The following SCAMP4 variants were observed in gnomAD, a reference collection of about 807,000 sequenced individuals.
SCAMP4 encodes the protein secretory carrier-associated membrane protein 4.
SCAMP4 carries 19 observed loss-of-function variants against 32.1 expected under a neutral mutation model. The ratio of observed to expected loss-of-function variants is 0.59; its 90% CI spans 0.41 to 0.87. The LOEUF (loss-of-function observed/expected upper bound fraction) is 0.87. Ranked by LOEUF, SCAMP4 falls within the 40% of genes least tolerant of loss-of-function variation. SCAMP4 has a pLI of 0.00. For missense variants in SCAMP4, 302 were observed against 309.0 expected (o/e 0.98, Z 0.17); for synonymous variants, 152 against 132.7 (o/e 1.15, Z -1.00).
At position 1,923,174 on chromosome 19, in the gene SCAMP4, T is replaced by C; in HGVS notation, c.500T>C (p.Ile167Thr). 2 of 1,550,166 alleles carry C rather than the reference T, an allele frequency of 1.3e-6. No homozygotes were observed. The highest frequency in any genetic ancestry group is 1.7e-6 in the Non-Finnish European group (2 of 1,146,114). The change falls in exon 6 of 7, where the codon ATC becomes ACC. Residue 167 changes from isoleucine (I) to threonine (T), a missense_variant. Ile to Thr is a moderately conservative substitution (Grantham distance 89, BLOSUM62 -1). Transcript: ENST00000316097. Reference protein sequence around the residue: ...MFSVSAAMMAIAIMKVHRIYR... With the variant: ...MFSVSAAMMATAIMKVHRIYR... ...TCCGTGTCGGCTGCCATGATGGCCA[T>C]CGCGATCATGAAGGTGAGTCCTCGG...
At position 1,924,230 on chromosome 19, in the gene SCAMP4, C is replaced by A; in HGVS notation, c.636C>A (p.Ser212Arg). 1.9e-6 allele frequency: 3 copies of A among 1,606,512 alleles called. No homozygotes were observed. The highest frequency in any genetic ancestry group is 2.5e-6 in the Non-Finnish European group (3 of 1,176,680). ...AGTACAACAACTTCTCAGGCAACAG[C>A]CTGCCCGAGTACCCCACTGTGCCCA... Reference protein sequence around the residue: ...EAQYNNFSGNSLPEYPTVPSY... With the variant: ...EAQYNNFSGNRLPEYPTVPSY... Residue 212 changes from serine to arginine, a missense_variant, in exon 7 of 7, where the codon AGC (serine) becomes AGA (arginine). Transcript: ENST00000316097.
At chr19:1,915,946 A>G (rs1256897677) in intron 2 of SCAMP4, among the ~76,000 whole-genome samples, 1 of 1,058 alleles carries the variant, frequency 9.5e-4, no homozygotes, top group African/African-American at 4.5e-3. Flanking sequence ...CTGTCTCAGA[A>G]AAAAAAAAAA....
intron 2 of SCAMP4, 61 bp downstream of exon 2, chr19:1,915,087 C>A: frequency 6.2e-7 from 1 of 1,601,828 alleles, no homozygotes; most frequent in Non-Finnish European, 8.5e-7. Flanking sequence ...GCCAGCAGTT[C>A]CCACAGGAGC....
intron 1 of SCAMP4, chr19:1,913,163 C>A (rs1459168352): frequency 6.6e-7 from 1 of 1,524,298 alleles, no homozygotes; most frequent in Non-Finnish European, 8.8e-7. Context: ...CGCCGCCCTC[C>A]TGCCTCCGGA....
chr19:1,907,252 C>T (rs969112287), intron 1 of SCAMP4: 3 of 151,934 alleles, frequency 2.0e-5, no homozygotes, highest in Admixed American at 6.6e-5. Context: ...GTTCCCTCTC[C>T]GAGTTCTCTC....
rs1053207248 is a variant in SCAMP4 at position 1,921,704 on chromosome 19, A to ATGGT, written c.396-1365_396-1362dup. On this transcript the variant is annotated intron_variant, in intron 5 of 6. Coordinates refer to ENST00000316097, the MANE Select transcript of SCAMP4 (RefSeq NM_079834.4). ...TTTTAAAAAATAAAAGAGGCCAGGC[A>ATGGT]TGGTGGCTGACGCCTGTAATCCCAG... 4 of 985,268 alleles carry ATGGT rather than the reference A, an allele frequency of 4.1e-6. No individual in the cohort carries two copies. In the African/African-American group the frequency reaches 7.0e-5, roughly 17 times the overall value. The allele number at this position is 985,268 out of a possible 1,614,324, so 61.0% of individuals were successfully genotyped here. A position where few individuals can be genotyped will look rare whatever the true frequency, so the allele number is the denominator to read the frequency against.
chr19:1,923,402 C>T (rs1306956171), intron 6 of SCAMP4, among the ~76,000 whole-genome samples: 33 of 152,146 alleles, frequency 2.2e-4, no homozygotes, highest in Admixed American at 2.2e-3. Flanking sequence ...CCTATGGGGC[C>T]AGTCCTGTGG....
Position 1,924,458 on chromosome 19 carries a change from TCTCATCCGAGAGCGGAGTTC to T in SCAMP4, c.*179_*198del. On this transcript the variant is annotated 3_prime_UTR_variant, in exon 7 of 7. Coordinates refer to ENST00000316097, the MANE Select transcript of SCAMP4 (RefSeq NM_079834.4). ...GCCAGGGCCACAGAACCCGTGTTCA[TCTCATCCGAGAGCGGAGTTC>T]CTCACAAGCACTCCCCAGCAGCCCT... is the stretch of plus-strand genomic sequence containing the variant. 1.6e-6 allele frequency: 1 copy of T among 615,530 alleles called. No individual in the cohort carries two copies. Among genetic ancestry groups the T allele is most frequent in the East Asian group, 2.8e-5 (1 of 36,214 alleles). 38.1% of individuals were successfully genotyped at this position (615,530 alleles called of 1,614,324 possible). A position where few individuals can be genotyped will look rare whatever the true frequency, so the allele number is the denominator to read the frequency against.
At chr19:1,913,431 AAAC>A in intron 1 of SCAMP4, 1 of 549,530 alleles carries the variant, frequency 1.8e-6, no homozygotes, top group Non-Finnish European at 3.3e-6. Context: ...ATGGGAAAAT[AAAC>A]AGCCCAAAAC....
rs2013238684 is a variant in SCAMP4, at chr19:1,908,180, G to C, written c.-42+2741G>C. ...GCGTTTTGGGAGGGCCCAGCGAGTCGGCTGCTATGGGCCCCACCTGGCACG... is the reference window on the plus strand; with the variant it reads ...GCGTTTTGGGAGGGCCCAGCGAGTCCGCTGCTATGGGCCCCACCTGGCACG... On this transcript the variant is annotated intron_variant, in intron 1 of 6. Transcript: ENST00000316097. The surrounding 1 kb of genome is among the most constrained non-coding windows in gnomAD (Gnocchi z 4.2). The C allele has an allele frequency of 3.8e-6, 1 of 265,158 alleles. No homozygotes were observed. The allele number at this position is 265,158 out of a possible 1,614,324, so 16.4% of individuals were successfully genotyped here.
Position 1,917,822 on chromosome 19 carries a change from T to C in SCAMP4, c.136T>C (p.Phe46Leu), listed in dbSNP as rs751871104. 2.4e-5 allele frequency: 39 copies of C among 1,613,702 alleles called. No individual in the cohort carries two copies. The highest frequency in any genetic ancestry group is 8.3e-5 in the Admixed American group (5 of 60,000). ...GAAGAGGATCTACCGGCTGTGGATG[T>C]GTGAGTGCGCCTGGGGGCAGGAGGC... The part of the protein sequence containing the change: ...LVKRIYRLWM[F>L]YCATLGVNLI... Residue 46 changes from phenylalanine (F) to leucine (L), a missense_variant and splice_region_variant, in exon 3 of 7, where the codon TTT (phenylalanine) becomes CTT (leucine). Coordinates refer to ENST00000316097, the MANE Select transcript of SCAMP4 (RefSeq NM_079834.4).
In SCAMP4 at chr19:1,918,997, C is replaced by G. The variant is rs1303098878; in HGVS notation, c.395+7C>G. The G allele has an allele frequency of 1.5e-5, 24 of 1,600,020 alleles. No homozygotes were observed. The highest frequency in any genetic ancestry group is 1.8e-5 in the Non-Finnish European group (21 of 1,173,472). ...TCTCCGGCTGGGGCGCGTGGTAAGC[C>G]TCTCTCTGATGGGCGTGGTGGCTGT... is the stretch of plus-strand genomic sequence containing the variant. On this transcript the variant is annotated splice_region_variant and intron_variant, in intron 5 of 6. Transcript: ENST00000316097.
Position 1,924,337 on chromosome 19 carries a change from T to A in SCAMP4, c.*53T>A, listed in dbSNP as rs1599260081. On this transcript the variant is annotated 3_prime_UTR_variant, in exon 7 of 7. Coordinates refer to ENST00000316097, the MANE Select transcript of SCAMP4 (RefSeq NM_079834.4). Reference sequence around the variant, plus strand: ...ACCACCTCCTCCCCTTCATTCCTGCTGCTACCCCTGGTCCCGAGGGCTGGG... The same window carrying A: ...ACCACCTCCTCCCCTTCATTCCTGCAGCTACCCCTGGTCCCGAGGGCTGGG... 6.7e-7 allele frequency: 1 copy of A among 1,502,616 alleles called. No individual in the cohort carries two copies. The highest frequency in any genetic ancestry group is 2.4e-5 in the East Asian group (1 of 40,818). 93.1% of individuals were successfully genotyped at this position (1,502,616 alleles called of 1,614,324 possible).
Position 1,908,393 on chromosome 19 carries a change from C to G in SCAMP4, c.-42+2954C>G. 2.4e-6 allele frequency: 1 copy of G among 418,318 alleles called. No individual in the cohort carries two copies. The highest frequency in any genetic ancestry group is 1.8e-5 in the South Asian group (1 of 57,042). The allele number at this position is 418,318 out of a possible 1,614,324, so 25.9% of individuals were successfully genotyped here. ...GCTGGTCCCCCATCTGTGGGGCGCCCCGGCGGCTGAGGCGTGGACCAGGCA... is the reference window on the plus strand; with the variant it reads ...GCTGGTCCCCCATCTGTGGGGCGCCGCGGCGGCTGAGGCGTGGACCAGGCA... On this transcript the variant is annotated intron_variant, in intron 1 of 6. Transcript: ENST00000316097. The surrounding 1 kb of genome is among the most constrained non-coding windows in gnomAD (Gnocchi z 4.2).
chr19:1,924,274 A>AGTGGCCT lies in SCAMP4; in HGVS notation c.681_687dup (p.Ter230ValfsTer138). The AGTGGCCT allele has an allele frequency of 6.3e-7, 1 of 1,592,766 alleles. No individual in the cohort carries two copies. Among genetic ancestry groups the AGTGGCCT allele is most frequent in the Non-Finnish European group, 8.5e-7 (1 of 1,170,776 alleles). On this transcript the variant is annotated frameshift_variant, in exon 7 of 7. Transcript: ENST00000316097. LOFTEE classifies it high-confidence loss of function. Reference sequence around the variant, plus strand: ...GTGCCCAGCTACCCGGGCAGTGGCCAGTGGCCTTAGAGGGAGCCTGCCCTG... The same window carrying AGTGGCCT: ...GTGCCCAGCTACCCGGGCAGTGGCCAGTGGCCTGTGGCCTTAGAGGGAGCCTGCCCTG...
intron 3 of SCAMP4, 37 bp from the exon 4 acceptor site, chr19:1,918,090 C>G (rs1254176193): frequency 1.4e-5 from 22 of 1,584,946 alleles, no homozygotes; most frequent in Non-Finnish European, 1.9e-5. Flanking sequence ...CCACACCCTC[C>G]CGTGCCTGCT....
chr19:1,912,664 G>A (rs2013533352), intron 1 of SCAMP4: 5 of 1,435,130 alleles, frequency 3.5e-6, no homozygotes, highest in South Asian at 1.4e-5. Flanking sequence ...GCAGCAGCGC[G>A]GGGCTTGCGG....
intron 5 of SCAMP4, chr19:1,920,195 C>T: frequency 1.0e-6 from 1 of 985,358 alleles, no homozygotes; most frequent in Non-Finnish European, 1.2e-6. Context: ...TCGCCCACGT[C>T]CCCGACGTGT....
chr19:1,915,019 G>A lies in SCAMP4; in HGVS notation c.-1G>A. 2 of 1,613,910 alleles carry A rather than the reference G, an allele frequency of 1.2e-6. No homozygotes were observed. Among genetic ancestry groups the A allele is most frequent in the Admixed American group, 1.7e-5 (1 of 60,014 alleles). On this transcript the variant is annotated 5_prime_UTR_variant, in exon 2 of 7. Coordinates refer to ENST00000316097, the MANE Select transcript of SCAMP4 (RefSeq NM_079834.4). ...AGCCTGCGCTGGTTGGTGAAACAGA[G>A]ATGTCAGGTGAGTCCTGCCTGCCTG...
Sources: allele counts gnomAD v4.1 joint callset (sites outside exome capture counted in the v4.1 genomes callset), GRCh38; gene constraint gnomAD v4.1.1; non-coding constraint Gnocchi (gnomAD v3.1); transcripts MANE v1.5; gene names NCBI Gene and HGNC (gene_info 2026-07-23, HGNC 2026-07-21).